SCHIP1: variants seen among roughly 807,000 people sequenced by gnomAD.
The protein encoded by SCHIP1 is schwannomin-interacting protein 1.
A neutral mutation model predicts 29.7 loss-of-function variants in SCHIP1; 8 were observed. The ratio of observed to expected loss-of-function variants is 0.27; its 90% CI spans 0.16 to 0.49. The LOEUF (loss-of-function observed/expected upper bound fraction) is 0.49. Among genes scored for constraint, SCHIP1 ranks in the 20% least tolerant of loss-of-function variants. The pLI is 0.99. For synonymous variants in SCHIP1, 76 were observed against 94.9 expected (o/e 0.80, Z 1.16); for missense variants, 193 against 294.6 (o/e 0.66, Z 2.52).
chr3:159,303,556 G>A, the SCHIP1 span, among the ~76,000 whole-genome samples: 1 of 149,784 alleles, frequency 6.7e-6, no homozygotes. Flanking sequence ...AGGAAGGGAG[G>A]GAGAAGCTTT....
the SCHIP1 span, among the ~76,000 whole-genome samples, chr3:159,364,094 A>G: frequency 1.3e-5 from 2 of 152,172 alleles, no homozygotes; most frequent in South Asian, 4.1e-4. Flanking sequence ...GATTTTGATA[A>G]CTTTTCAAAG....
At chr3:159,468,740 ATATAAT>A in the SCHIP1 span, among the ~76,000 whole-genome samples, 7,876 of 137,742 alleles carry the variant, frequency 0.057, 307 homozygotes, top group East Asian at 0.094. Flanking sequence ...ATAATATAAT[ATATAAT>A]ATATAATATA....
chr3:159,328,556 G>GA, the SCHIP1 span, among the ~76,000 whole-genome samples: 1 of 152,108 alleles, frequency 6.6e-6, no homozygotes, highest in Non-Finnish European at 1.5e-5. Flanking sequence ...ACCTCAGGTG[G>GA]AAAAGGGTGG....
the SCHIP1 span, among the ~76,000 whole-genome samples, chr3:159,648,152 T>G: frequency 6.6e-6 from 1 of 152,128 alleles, no homozygotes; most frequent in African/African-American, 2.4e-5. Flanking sequence ...CCAGGCACAC[T>G]CCTCTCTACT....
At chr3:159,839,588 A>G (rs1447791262), upstream of SCHIP1, among the ~76,000 whole-genome samples, 1 of 143,768 alleles carries the variant, frequency 7.0e-6, no homozygotes, top group East Asian at 2.1e-4. Context: ...TTCTCTCTTT[A>G]GCATGTTAAA....
the SCHIP1 span, among the ~76,000 whole-genome samples, chr3:159,419,832 C>T: frequency 6.6e-6 from 1 of 152,080 alleles, no homozygotes; most frequent in Non-Finnish European, 1.5e-5. Context: ...TTAATGATAT[C>T]TTATAATTGT....
the SCHIP1 span, among the ~76,000 whole-genome samples, chr3:159,788,036 T>C: frequency 6.6e-6 from 1 of 152,150 alleles, no homozygotes; most frequent in Non-Finnish European, 1.5e-5. Context: ...GGTTTCAAAA[T>C]AATCTTATCG....
the SCHIP1 span, among the ~76,000 whole-genome samples, chr3:159,790,839 C>T: frequency 6.6e-6 from 1 of 152,160 alleles, no homozygotes; most frequent in Middle Eastern, 3.4e-3. Flanking sequence ...TTTATCATTG[C>T]TATTTTAAGA....
chr3:159,749,801 T>C, the SCHIP1 span, among the ~76,000 whole-genome samples: 1 of 152,216 alleles, frequency 6.6e-6, no homozygotes, highest in African/African-American at 2.4e-5. Context: ...AAGGTATTCT[T>C]TGGAGTCAGC....
the SCHIP1 span, among the ~76,000 whole-genome samples, chr3:159,459,960 A>G: frequency 6.6e-6 from 1 of 152,196 alleles, no homozygotes; most frequent in Non-Finnish European, 1.5e-5. Context: ...TCTGGCCTCC[A>G]GAATTATGAT....
the SCHIP1 span, among the ~76,000 whole-genome samples, chr3:159,771,651 T>C: frequency 6.6e-6 from 1 of 151,832 alleles, no homozygotes; most frequent in South Asian, 2.1e-4. Flanking sequence ...TGGCATGTAC[T>C]CTAGACTTCA....
intron 2 of SCHIP1, among the ~76,000 whole-genome samples, chr3:159,885,259 G>T (rs972229139): frequency 6.6e-6 from 1 of 152,140 alleles, no homozygotes; most frequent in Non-Finnish European, 1.5e-5. Context: ...CTTTTCTTGC[G>T]TAGGAACCTC....
the SCHIP1 span, among the ~76,000 whole-genome samples, chr3:159,506,930 C>G: frequency 0.68 from 103,481 of 152,048 alleles, 35,868 homozygotes; most frequent in African/African-American, 0.81. Flanking sequence ...TTTGGCTTAG[C>G]ATTCTCCTGG....
the SCHIP1 span, among the ~76,000 whole-genome samples, chr3:159,428,693 T>A: frequency 1.3e-5 from 2 of 151,574 alleles, no homozygotes; most frequent in African/African-American, 2.4e-5. Context: ...ATCCCATTAC[T>A]GGGTATATAC....
the SCHIP1 span, among the ~76,000 whole-genome samples, chr3:159,313,538 A>C: frequency 0.018 from 2,682 of 152,278 alleles, 96 homozygotes; most frequent in African/African-American, 0.062. Context: ...AAATTTCAAA[A>C]TAATTTTAGA....
chr3:159,886,367 C>T, intron 3 of SCHIP1, 43 bp downstream of exon 4: 1 of 1,571,540 alleles, frequency 6.4e-7, no homozygotes, highest in Non-Finnish European at 8.7e-7. Flanking sequence ...GTTGTGATTT[C>T]CGGGCCATTT....
the SCHIP1 span, among the ~76,000 whole-genome samples, chr3:159,704,124 A>T: frequency 2.6e-5 from 4 of 152,220 alleles, no homozygotes; most frequent in Non-Finnish European, 4.4e-5. Flanking sequence ...GAATGAACAC[A>T]TGAATATATC....
chr3:159,653,392 G>A, the SCHIP1 span, among the ~76,000 whole-genome samples: 664 of 152,232 alleles, frequency 4.4e-3, 6 homozygotes, highest in African/African-American at 0.015. Context: ...TATATACCAT[G>A]GAATACTATA....
chr3:159,885,532 T>C (rs1577492354), intron 2 of SCHIP1, among the ~76,000 whole-genome samples: 2 of 152,078 alleles, frequency 1.3e-5, no homozygotes, highest in African/African-American at 4.8e-5. Flanking sequence ...TTCCCAAAGG[T>C]CTCTGTCCCT....
Sources: allele counts gnomAD v4.1 joint callset (sites outside exome capture counted in the v4.1 genomes callset), GRCh38; gene constraint gnomAD v4.1.1; transcripts MANE v1.5; gene names NCBI Gene and HGNC (gene_info 2026-07-23, HGNC 2026-07-21).